Variants in EPHB1 observed in about 807,000 individuals in gnomAD.
EPHB1 encodes ephrin type-B receptor 1.
In EPHB1, 30 loss-of-function variants were observed where a neutral mutation model predicts 94.4. The ratio of observed to expected loss-of-function variants is 0.32; its 90% CI spans 0.24 to 0.43. The LOEUF is 0.43. Among genes scored for constraint, EPHB1 ranks in the 20% least tolerant of loss-of-function variants. The pLI, the probability that EPHB1 is intolerant of heterozygous loss-of-function variation, is 1.00. For missense variants in EPHB1, 1,055 were observed against 1,308.3 expected (o/e 0.81, Z 2.99); for synonymous variants, 522 against 489.1 (o/e 1.07, Z -0.89).
chr3:135,247,885 T>A (rs545667663), intron 13 of EPHB1, among the ~76,000 whole-genome samples: 1 of 152,322 alleles, frequency 6.6e-6, no homozygotes, highest in South Asian at 2.1e-4. Context: ...ACCACAAGTT[T>A]TGAGGACATC....
At chr3:135,086,115 A>C (rs1399970015) in intron 3 of EPHB1, among the ~76,000 whole-genome samples, 2 of 152,080 alleles carry the variant, frequency 1.3e-5, no homozygotes, top group East Asian at 3.9e-4. Flanking sequence ...CTCCACACAA[A>C]AGAGATATGA....
chr3:134,964,297 A>T (rs1246956544), intron 3 of EPHB1, among the ~76,000 whole-genome samples: 3 of 152,234 alleles, frequency 2.0e-5, no homozygotes, highest in Non-Finnish European at 2.9e-5. Context: ...GTAACCAGTG[A>T]TGGCAGAGGC....
chr3:135,145,199 A>T (rs1392480052), intron 5 of EPHB1, among the ~76,000 whole-genome samples: 3 of 152,230 alleles, frequency 2.0e-5, no homozygotes, highest in African/African-American at 7.2e-5. Context: ...CTCCTAGAAT[A>T]GAAATGTCAG....
intron 2 of EPHB1, among the ~76,000 whole-genome samples, chr3:134,943,755 A>G (rs1211581451): frequency 2.6e-5 from 4 of 152,148 alleles, no homozygotes; most frequent in Non-Finnish European, 5.9e-5. Context: ...TGTTTGATTG[A>G]ATGAATGATT....
intron 7 of EPHB1, 122 bp downstream of exon 7, chr3:135,162,302 T>G: frequency 1.7e-6 from 2 of 1,169,532 alleles, no homozygotes; most frequent in East Asian, 2.8e-5. Flanking sequence ...TGGAATTCCC[T>G]TCAAACGGTT....
At chr3:135,064,508 A>G (rs1937556059) in intron 3 of EPHB1, among the ~76,000 whole-genome samples, 1 of 152,070 alleles carries the variant, frequency 6.6e-6, no homozygotes, top group South Asian at 2.1e-4. Flanking sequence ...AGTAGCCTCA[A>G]ATGATCTTTT....
chr3:134,916,647 G>A (rs889019273), intron 1 of EPHB1, among the ~76,000 whole-genome samples: 28 of 152,344 alleles, frequency 1.8e-4, no homozygotes, highest in African/African-American at 6.7e-4. Flanking sequence ...CCAGCCGGCA[G>A]CTCTGAGTGT....
chr3:135,217,100 C>T (rs1943165758), intron 12 of EPHB1, among the ~76,000 whole-genome samples: 2 of 152,162 alleles, frequency 1.3e-5, no homozygotes, highest in African/African-American at 4.8e-5. Context: ...GGGCCATTCC[C>T]TTCCTCCTGC....
intron 3 of EPHB1, among the ~76,000 whole-genome samples, chr3:135,094,535 G>A (rs949164222): frequency 4.6e-5 from 7 of 152,164 alleles, no homozygotes; most frequent in African/African-American, 1.4e-4. Flanking sequence ...TCTATTCTGA[G>A]GCAGGCAGGG....
At chr3:135,022,692 A>G (rs1378943286) in intron 3 of EPHB1, among the ~76,000 whole-genome samples, 7 of 152,144 alleles carry the variant, frequency 4.6e-5, no homozygotes, top group Non-Finnish European at 1.0e-4. Flanking sequence ...AGAAGACAAC[A>G]CTGTCTGTTG....
intron 5 of EPHB1, among the ~76,000 whole-genome samples, chr3:135,151,477 A>G (rs141268772): frequency 2.0e-4 from 31 of 152,222 alleles, no homozygotes; most frequent in South Asian, 8.3e-4. Context: ...CACCTCTGGC[A>G]TCCTGTGTCC....
intron 3 of EPHB1, among the ~76,000 whole-genome samples, chr3:135,035,762 C>G (rs976488297): frequency 6.6e-6 from 1 of 152,192 alleles, no homozygotes; most frequent in African/African-American, 2.4e-5. Flanking sequence ...TTGCATGATG[C>G]ATTAGTCATA....
intron 12 of EPHB1, among the ~76,000 whole-genome samples, chr3:135,207,588 A>C (rs1942931701): frequency 6.6e-6 from 1 of 152,230 alleles, no homozygotes. Flanking sequence ...GAGAGCATGC[A>C]TAAAACAATA....
At chr3:135,238,623 C>T (rs897834655) in intron 12 of EPHB1, among the ~76,000 whole-genome samples, 1 of 148,556 alleles carries the variant, frequency 6.7e-6, no homozygotes, top group African/African-American at 2.5e-5. Context: ...AAAAGATAAG[C>T]AAGCCCTAAC....
intron 3 of EPHB1, among the ~76,000 whole-genome samples, chr3:134,998,421 C>A (rs1316668908): frequency 6.6e-6 from 1 of 152,228 alleles, no homozygotes; most frequent in African/African-American, 2.4e-5. Context: ...TAAGGCAGGG[C>A]AGAAGCTGGA....
intron 3 of EPHB1, among the ~76,000 whole-genome samples, chr3:135,054,476 C>T (rs770469753): frequency 1.3e-5 from 2 of 152,248 alleles, no homozygotes; most frequent in African/African-American, 4.8e-5. Flanking sequence ...GTATGCTGAA[C>T]GTCTCACTTC....
chr3:134,879,921 G>T (rs192838382), intron 1 of EPHB1, among the ~76,000 whole-genome samples: 1 of 152,136 alleles, frequency 6.6e-6, no homozygotes, highest in East Asian at 1.9e-4. Flanking sequence ...AGAAAAAAAC[G>T]ATCAACATAC....
chr3:135,168,347 G>T (rs111314640), intron 9 of EPHB1, among the ~76,000 whole-genome samples: 2 of 152,342 alleles, frequency 1.3e-5, no homozygotes, highest in East Asian at 1.9e-4. Context: ...CACAGGCACA[G>T]CTCCTGCTAT....
At chr3:135,110,189 C>T (rs777137274) in intron 4 of EPHB1, among the ~76,000 whole-genome samples, 4 of 152,180 alleles carry the variant, frequency 2.6e-5, no homozygotes, top group Admixed American at 2.0e-4. Context: ...CACAAAAACC[C>T]CTTTTCTGTC....
Sources: gnomAD v4.1 joint callset for allele counts (sites outside exome capture counted in the v4.1 genomes callset) on GRCh38, gnomAD v4.1.1 for gene constraint, MANE v1.5 for transcripts, NCBI Gene and HGNC (gene_info 2026-07-23, HGNC 2026-07-21) for gene names.